Variants in FMNL2 observed in about 807,000 individuals in gnomAD.
FMNL2 encodes formin-like protein 2.
FMNL2 carries 51 observed loss-of-function variants against 130.2 expected under a neutral mutation model. The observed-to-expected ratio is 0.39, with a 90% CI of 0.31 to 0.49. The LOEUF (loss-of-function observed/expected upper bound fraction) is 0.49. FMNL2 is among the 20% of genes least tolerant of loss of function. The pLI is 0.85. For missense variants in FMNL2, 977 were observed against 1,316.2 expected, an observed-to-expected ratio of 0.74 and a Z score of 3.99; for synonymous variants, 465 against 467.1, an observed-to-expected ratio of 1.00 and a Z score of 0.06.
Position 152,335,716 on chromosome 2 carries a change from T to C in FMNL2, c.113T>C (p.Val38Ala), listed in dbSNP as rs922773164. The C allele has an allele frequency of 2.5e-6, 4 of 1,569,722 alleles. No homozygotes were observed. Among genetic ancestry groups the C allele is most frequent in the Non-Finnish European group, 3.4e-6 (4 of 1,159,538 alleles). The change falls in exon 1 of 26, where the codon GTG (valine) becomes GCG (alanine). Residue 38 changes from valine (V) to alanine (A), a missense_variant. Physicochemically the swap from Val to Ala is moderately conservative, Grantham distance 64. This residue lies in a region of FMNL2 where 117 missense variants were observed against 134.9 expected (regional missense o/e 0.87). Coordinates refer to ENST00000288670, the MANE Select transcript of FMNL2 (RefSeq NM_052905.4). ...PGELEERFAI[V>A]LNAMNLPPDK... ...GAACTGGAGGAGCGATTTGCCATCG[T>C]GCTGGTAAGTGCGCGGCGGCGGTCG...
chr2:152,588,290 A>G (rs1298341822), intron 9 of FMNL2, among the ~76,000 whole-genome samples: 2 of 152,176 alleles, frequency 1.3e-5, no homozygotes, highest in East Asian at 3.9e-4. Flanking sequence ...AAAGCCAACA[A>G]CATAGCATCT....
chr2:152,604,946 G>A (rs529425353), intron 9 of FMNL2, among the ~76,000 whole-genome samples: 5 of 142,340 alleles, frequency 3.5e-5, no homozygotes, highest in Admixed American at 7.0e-5. Context: ...CTGACCTTTC[G>A]TATAAAACCT....
intron 1 of FMNL2, among the ~76,000 whole-genome samples, chr2:152,485,805 CT>C (rs1475979557): frequency 6.6e-6 from 1 of 152,162 alleles, no homozygotes; most frequent in Non-Finnish European, 1.5e-5. Context: ...AGAATAGAGA[CT>C]GCATCCCCTC....
At chr2:152,557,109 T>C (rs912206619) in intron 4 of FMNL2, among the ~76,000 whole-genome samples, 6 of 152,190 alleles carry the variant, frequency 3.9e-5, no homozygotes, top group African/African-American at 1.4e-4. Context: ...TCTAAGCTTC[T>C]AATTACTAGT....
intron 1 of FMNL2, chr2:152,390,545 A>G (rs1685054143): frequency 5.9e-6 from 9 of 1,515,540 alleles, no homozygotes; most frequent in East Asian, 2.3e-5. Flanking sequence ...TGGGGCTGCC[A>G]ATCTCAGACG....
chr2:152,534,079 G>A (rs575302252), intron 2 of FMNL2, among the ~76,000 whole-genome samples: 80 of 152,300 alleles, frequency 5.3e-4, no homozygotes, highest in African/African-American at 1.9e-3. Context: ...GAAGTTGAGT[G>A]TTTTGAGCTT....
intron 1 of FMNL2, among the ~76,000 whole-genome samples, chr2:152,392,348 A>T (rs1685160859): frequency 6.6e-6 from 1 of 151,972 alleles, no homozygotes; most frequent in Non-Finnish European, 1.5e-5. Flanking sequence ...TGCATTTTTC[A>T]TCTTTTCTGT....
intron 9 of FMNL2, among the ~76,000 whole-genome samples, chr2:152,598,799 G>T (rs1697893727): frequency 6.6e-6 from 1 of 152,198 alleles, no homozygotes; most frequent in Admixed American, 6.5e-5. Flanking sequence ...GAGACAACAG[G>T]ACATCTATAG....
chr2:152,622,827 T>C (rs1470194000), intron 15 of FMNL2, among the ~76,000 whole-genome samples: 3 of 139,694 alleles, frequency 2.1e-5, no homozygotes, highest in African/African-American at 9.2e-5. Context: ...TTTTTTTTTT[T>C]CTTCTTCTTC....
chr2:152,596,896 C>T (rs56221232), intron 9 of FMNL2, among the ~76,000 whole-genome samples: 28,551 of 152,166 alleles, frequency 0.19, 3,991 homozygotes, highest in African/African-American at 0.39. Flanking sequence ...AAAGGTTAGT[C>T]ACAAAGTAGA....
chr2:152,425,344 T>C (rs1687148808), intron 1 of FMNL2, among the ~76,000 whole-genome samples: 2 of 152,222 alleles, frequency 1.3e-5, no homozygotes, highest in Admixed American at 6.5e-5. Flanking sequence ...AGTGGTCTTA[T>C]AATTTCCCTC....
At chr2:152,633,096 CTTCT>C (rs1233848556) in intron 21 of FMNL2, among the ~76,000 whole-genome samples, 2 of 151,072 alleles carry the variant, frequency 1.3e-5, no homozygotes, top group African/African-American at 2.4e-5. Flanking sequence ...AATCTGTGCT[CTTCT>C]TTTTTTTTTT....
chr2:152,553,305 G>T (rs1051798023), intron 4 of FMNL2, among the ~76,000 whole-genome samples: 2 of 152,030 alleles, frequency 1.3e-5, no homozygotes, highest in Non-Finnish European at 2.9e-5. Context: ...AACCATCAAG[G>T]TTATAATCAT....
chr2:152,338,795 T>G (rs1176519085), intron 1 of FMNL2, among the ~76,000 whole-genome samples: 1 of 139,254 alleles, frequency 7.2e-6, no homozygotes, highest in Non-Finnish European at 1.6e-5. Context: ...TGTATTGACC[T>G]TTCAGGTACA....
chr2:152,578,788 A>G, intron 7 of FMNL2, 100 bp from the exon 8 acceptor site: 1 of 796,860 alleles, frequency 1.3e-6, no homozygotes, highest in East Asian at 2.7e-5. Context: ...AAGTTTCATT[A>G]GGTAGATACT....
chr2:152,601,543 C>T (rs1389665689), intron 9 of FMNL2, among the ~76,000 whole-genome samples: 8 of 151,944 alleles, frequency 5.3e-5, no homozygotes, highest in South Asian at 2.1e-4. Flanking sequence ...TCAGGCAATC[C>T]GCCCACCTTG....
Position 152,607,356 on chromosome 2 carries a change from G to C in FMNL2, c.894G>C (p.Gln298His). 6.2e-7 allele frequency: 1 copy of C among 1,613,624 alleles called. No individual in the cohort carries two copies. Among genetic ancestry groups the C allele is most frequent in the Non-Finnish European group, 8.5e-7 (1 of 1,179,718 alleles). Residue 298 changes from glutamine to histidine, a missense_variant, in exon 10 of 26, where the codon CAG becomes CAC. By Grantham distance (24) the Gln-to-His change is conservative. This residue lies in a region of FMNL2 where 689 missense variants were observed against 995.9 expected (regional missense o/e 0.69). Coordinates refer to ENST00000288670, the MANE Select transcript of FMNL2 (RefSeq NM_052905.4). The part of the protein sequence containing the change: ...DNFKEVCGEK[Q>H]RFEKLMEHFR... ...TGTTTCAGGTTTGTGGAGAAAAACA[G>C]CGCTTTGAGAAGTTGATGGAACATT...
chr2:152,552,433 T>G (rs1694984894), intron 4 of FMNL2, among the ~76,000 whole-genome samples: 1 of 152,184 alleles, frequency 6.6e-6, no homozygotes, highest in African/African-American at 2.4e-5. Flanking sequence ...TACAATCTAC[T>G]TGTCCTAAAA....
At chr2:152,505,965 C>T (rs1008610860) in intron 1 of FMNL2, among the ~76,000 whole-genome samples, 1 of 152,150 alleles carries the variant, frequency 6.6e-6, no homozygotes, top group Non-Finnish European at 1.5e-5. Context: ...GATTTGTACT[C>T]TATCACAAAG....
Sources: allele counts gnomAD v4.1 joint callset (sites outside exome capture counted in the v4.1 genomes callset), GRCh38; gene constraint gnomAD v4.1.1; regional missense constraint gnomAD v4.1.1; transcripts MANE v1.5; gene names NCBI Gene and HGNC (gene_info 2026-07-23, HGNC 2026-07-21).